The following EPHA3 variants were observed in gnomAD, a reference collection of about 807,000 sequenced individuals.
The protein encoded by EPHA3 is EPH receptor A3.
Under a neutral mutation model 107.1 loss-of-function variants are expected in EPHA3, and 42 were observed. That is an observed-to-expected ratio of 0.39 (90% CI 0.31 to 0.51). EPHA3 has a LOEUF of 0.51. Among genes scored for constraint, EPHA3 ranks in the 20% least tolerant of loss-of-function variants. The pLI, the probability that EPHA3 is intolerant of heterozygous loss-of-function variation, is 0.78. For missense variants in EPHA3, 1,183 were observed against 1,211.2 expected (o/e 0.98, Z 0.35); for synonymous variants, 461 against 424.8 (o/e 1.09, Z -1.05).
At chr3:89,261,797 A>C in intron 3 of EPHA3, among the ~76,000 whole-genome samples, 1 of 151,490 alleles carries the variant, frequency 6.6e-6, no homozygotes. Flanking sequence ...ATTTTCAAGT[A>C]GTTTTTTAAA....
chr3:89,404,665 G>T (rs1709023537), intron 7 of EPHA3, among the ~76,000 whole-genome samples: 1 of 152,146 alleles, frequency 6.6e-6, no homozygotes, highest in South Asian at 2.1e-4. Flanking sequence ...ATCTGATTTA[G>T]TTATGTGCTT....
intron 5 of EPHA3, among the ~76,000 whole-genome samples, chr3:89,373,966 A>G (rs1170031361): frequency 6.6e-6 from 1 of 151,824 alleles, no homozygotes. Flanking sequence ...GATAGGTGCT[A>G]TTCAATACTA....
intron 5 of EPHA3, among the ~76,000 whole-genome samples, chr3:89,381,789 T>C (rs1338042573): frequency 8.5e-5 from 13 of 152,204 alleles, no homozygotes; most frequent in East Asian, 1.9e-4. Context: ...AGCTACCTTG[T>C]CCTTCCATCT....
chr3:89,179,412 A>G (rs1705388663), intron 2 of EPHA3, among the ~76,000 whole-genome samples: 2 of 152,012 alleles, frequency 1.3e-5, no homozygotes, highest in Admixed American at 6.6e-5. Context: ...TTTATTTTTC[A>G]TATAATAGGA....
In EPHA3 at chr3:89,410,380, C is replaced by G. The variant is rs150054324; in HGVS notation, c.1762+2249C>G. Reference sequence around the variant, plus strand: ...AAATCTAAATCACACAATTTCAAGTCTGTTTAAGGCCAATGCTTATTTAAA... The same window carrying G: ...AAATCTAAATCACACAATTTCAAGTGTGTTTAAGGCCAATGCTTATTTAAA... On this transcript the variant is annotated intron_variant, in intron 9 of 16. Coordinates refer to ENST00000336596, the MANE Select transcript of EPHA3 (RefSeq NM_005233.6). 6.3e-3 allele frequency among the ~76,000 whole-genome samples: 951 copies of G among 152,036 alleles called. 6 individuals are homozygous for G. The highest frequency in any genetic ancestry group is 0.021 in the African/African-American group (873 of 41,514).
chr3:89,263,604 C>T (rs997325244), intron 3 of EPHA3, among the ~76,000 whole-genome samples: 5 of 152,112 alleles, frequency 3.3e-5, no homozygotes, highest in East Asian at 1.9e-4. Context: ...TCTGAAGTTA[C>T]GCCGTCAAGC....
chr3:89,208,462 G>GA (rs372677692), intron 2 of EPHA3, among the ~76,000 whole-genome samples: 1 of 104,460 alleles, frequency 9.6e-6, no homozygotes, highest in African/African-American at 4.8e-5. Context: ...AAGAAAGAAA[G>GA]AAAGAAAGAA....
chr3:89,161,358 A>G (rs1704937516), intron 2 of EPHA3, among the ~76,000 whole-genome samples: 1 of 152,308 alleles, frequency 6.6e-6, no homozygotes, highest in Non-Finnish European at 1.5e-5. Context: ...AGTATTAGTT[A>G]TGTGGTTATA....
At chr3:89,305,399 C>A (rs1706591347) in intron 3 of EPHA3, among the ~76,000 whole-genome samples, 1 of 152,118 alleles carries the variant, frequency 6.6e-6, no homozygotes, top group Admixed American at 6.6e-5. Flanking sequence ...TAGTTTTATT[C>A]TGTGAAGACT....
Position 89,359,082 on chromosome 3 carries a change from A to G in EPHA3, c.1306+16992A>G, listed in dbSNP as rs1361029580. Among the ~76,000 whole-genome samples, 3 of 149,956 alleles carry G rather than the reference A, an allele frequency of 2.0e-5. 1 individual carries two copies. Among genetic ancestry groups the G allele is most frequent in the Non-Finnish European group, 4.5e-5 (3 of 67,406 alleles). On this transcript the variant is annotated intron_variant, in intron 5 of 16. Coordinates refer to ENST00000336596, the MANE Select transcript of EPHA3 (RefSeq NM_005233.6). ...AATTAAATATTCTAGTTAAATAGAC[A>G]GTTACCACATAAAGTATATAAAACT...
At chr3:89,153,905 C>A (rs1704739184) in intron 2 of EPHA3, among the ~76,000 whole-genome samples, 1 of 152,056 alleles carries the variant, frequency 6.6e-6, no homozygotes, top group Admixed American at 6.6e-5. Context: ...CTCCTCTCTC[C>A]TTCCTTACAC....
chr3:89,165,421 A>G (rs1705040327), intron 2 of EPHA3, among the ~76,000 whole-genome samples: 2 of 152,200 alleles, frequency 1.3e-5, no homozygotes, highest in South Asian at 4.1e-4. Flanking sequence ...ATGCAATGCA[A>G]TGCAAATATA....
intron 15 of EPHA3, among the ~76,000 whole-genome samples, chr3:89,457,565 G>A (rs533601138): frequency 6.6e-6 from 1 of 152,308 alleles, no homozygotes; most frequent in East Asian, 1.9e-4. Context: ...CCCATTCGTG[G>A]AAAAATTGTC....
intron 13 of EPHA3, among the ~76,000 whole-genome samples, chr3:89,435,360 G>A (rs1709646658): frequency 1.3e-5 from 2 of 150,524 alleles, no homozygotes; most frequent in Admixed American, 6.7e-5. Context: ...GACACTTCGA[G>A]AGGCCAAGGC....
chr3:89,229,734 T>A (rs1444466074), intron 3 of EPHA3, among the ~76,000 whole-genome samples: 1 of 151,872 alleles, frequency 6.6e-6, no homozygotes, highest in Middle Eastern at 3.4e-3. Context: ...AAAATATAAA[T>A]CCTTAGCATA....
chr3:89,313,540 G>T (rs1706817674), intron 3 of EPHA3, among the ~76,000 whole-genome samples: 1 of 151,796 alleles, frequency 6.6e-6, no homozygotes, highest in Admixed American at 6.6e-5. Flanking sequence ...TGATTTCAAT[G>T]TTTATCTGTA....
intron 15 of EPHA3, among the ~76,000 whole-genome samples, chr3:89,468,626 G>T (rs1710337994): frequency 6.6e-6 from 1 of 152,166 alleles, no homozygotes; most frequent in Non-Finnish European, 1.5e-5. Flanking sequence ...GCGCGCGCAT[G>T]CCTGTAGATA....
chr3:89,290,829 T>A (rs2107328671), intron 3 of EPHA3, among the ~76,000 whole-genome samples: 1 of 152,292 alleles, frequency 6.6e-6, no homozygotes, highest in South Asian at 2.1e-4. Context: ...CAGTTGGGTG[T>A]CTTTTATAAT....
chr3:89,115,171 CCCTA>C (rs1707222572), intron 1 of EPHA3, among the ~76,000 whole-genome samples: 1 of 152,126 alleles, frequency 6.6e-6, no homozygotes, highest in Non-Finnish European at 1.5e-5. Flanking sequence ...TGATTTCTAA[CCCTA>C]TCCCTTTACT....
Sources: gnomAD v4.1 joint callset for allele counts (sites outside exome capture counted in the v4.1 genomes callset) on GRCh38, gnomAD v4.1.1 for gene constraint, MANE v1.5 for transcripts, NCBI Gene and HGNC (gene_info 2026-07-23, HGNC 2026-07-21) for gene names.